Variants in ZNF800 observed in about 807,000 individuals in gnomAD.
ZNF800 encodes zinc finger protein 800.
Under a neutral mutation model 59.5 loss-of-function variants are expected in ZNF800, and 13 were observed. The ratio of observed to expected loss-of-function variants is 0.22; its 90% CI spans 0.14 to 0.35. The LOEUF is 0.35. Among genes scored for constraint, ZNF800 ranks in the 10% least tolerant of loss-of-function variants. The pLI is 1.00. For missense variants in ZNF800, 621 were observed against 783.7 expected, an observed-to-expected ratio of 0.79 and a Z score of 2.48; for synonymous variants, 266 against 265.7, an observed-to-expected ratio of 1.00 and a Z score of -0.01.
chr7:127,358,834 T>C lies in ZNF800; in HGVS notation n.225-10791A>G, dbSNP rs867541748. On this transcript the variant is annotated intron_variant and non_coding_transcript_variant, in intron 1 of 1. Transcript: ENST00000485577. ...TGCCTCGCACGAAGCAGGAGCTTAC[T>C]TGTTTACTGACTGAATGAAATAAGT... Among the ~76,000 whole-genome samples, 3 of 152,262 alleles carry C rather than the reference T, an allele frequency of 2.0e-5. 1 individual carries two copies. In the Middle Eastern group the frequency reaches 0.01, roughly 518 times the overall value.
intron 1 of ZNF800, among the ~76,000 whole-genome samples, chr7:127,355,257 A>G (rs570822169): frequency 6.6e-6 from 1 of 152,204 alleles, no homozygotes; most frequent in Non-Finnish European, 1.5e-5. Flanking sequence ...ACCAGGAAAA[A>G]TAGGACATGA....
In ZNF800 at chr7:127,371,365, A is replaced by C. The variant is rs999327888; in HGVS notation, c.*449T>G. 7 of 153,452 alleles carry C rather than the reference A, an allele frequency of 4.6e-5. No homozygotes were observed. Among genetic ancestry groups the C allele is most frequent in the African/African-American group, 1.7e-4 (7 of 41,502 alleles). 9.5% of individuals were successfully genotyped at this position (153,452 alleles called of 1,614,324 possible). ...TAACATACACTCACTAGAAAATCAT[A>C]TATCTATACAATTCAGATGAAAATG... On this transcript the variant is annotated 3_prime_UTR_variant, in exon 6 of 6. Coordinates refer to ENST00000265827, the MANE Select transcript of ZNF800 (RefSeq NM_176814.5).
chr7:127,344,993 T>C (rs889375500), downstream of ZNF800, among the ~76,000 whole-genome samples: 4 of 152,188 alleles, frequency 2.6e-5, no homozygotes, highest in African/African-American at 9.6e-5. Context: ...AAATGCAATA[T>C]TTCTGTTTAT....
intron 1 of ZNF800, among the ~76,000 whole-genome samples, chr7:127,353,057 G>A (rs1039548009): frequency 2.0e-5 from 3 of 152,080 alleles, no homozygotes; most frequent in African/African-American, 4.8e-5. Flanking sequence ...CAATGGCACC[G>A]ATAAGTACTT....
intron 3 of ZNF800, among the ~76,000 whole-genome samples, chr7:127,380,462 A>G (rs1044974690): frequency 2.0e-5 from 3 of 152,254 alleles, no homozygotes; most frequent in African/African-American, 7.2e-5. Context: ...CAAATGAGAA[A>G]AATAAGGTGT....
chr7:127,380,540 T>TA lies in ZNF800; in HGVS notation c.158-3212dup, dbSNP rs1428799378. 2.0e-5 allele frequency among the ~76,000 whole-genome samples: 3 copies of TA among 152,208 alleles called. No homozygotes were observed. The East Asian group carries it at 5.8e-4, about 29-fold the overall frequency. On this transcript the variant is annotated intron_variant, in intron 3 of 5. Coordinates refer to ENST00000265827, the MANE Select transcript of ZNF800 (RefSeq NM_176814.5). Reference sequence around the variant, plus strand: ...TTTCAGACACCACTTAAGATTTTTTTATTTTTTCCCATGGAGACAGAATGG... The same window carrying TA: ...TTTCAGACACCACTTAAGATTTTTTTAATTTTTTCCCATGGAGACAGAATGG...
At chr7:127,355,781 AG>A (rs1800259777) in intron 1 of ZNF800, among the ~76,000 whole-genome samples, 1 of 152,100 alleles carries the variant, frequency 6.6e-6, no homozygotes, top group African/African-American at 2.4e-5. Context: ...ATTACTACAT[AG>A]GAATGATGAC....
chr7:127,363,009 G>C (rs1800425414), intron 1 of ZNF800: 2 of 152,176 alleles, frequency 1.3e-5, no homozygotes. Context: ...GATAGGCATT[G>C]ATCACAGATT....
chr7:127,364,917 C>A (rs1800473574), intron 1 of ZNF800, among the ~76,000 whole-genome samples: 1 of 151,960 alleles, frequency 6.6e-6, no homozygotes, highest in Non-Finnish European at 1.5e-5. Context: ...TTGAAGCAAG[C>A]AAGGATAAAT....
chr7:127,372,525 G>T, intron 5 of ZNF800: 41 of 671,782 alleles, frequency 6.1e-5, no homozygotes, highest in Non-Finnish European at 7.1e-5. Flanking sequence ...TTCCAAATAT[G>T]AATTTTACTT....
intron 1 of ZNF800, among the ~76,000 whole-genome samples, chr7:127,359,517 A>T (rs1334456865): frequency 6.6e-6 from 1 of 152,172 alleles, no homozygotes; most frequent in Non-Finnish European, 1.5e-5. Context: ...ACTTATTCAA[A>T]AACAAAATTG....
At chr7:127,390,485 T>C (rs1436491178) in intron 2 of ZNF800, among the ~76,000 whole-genome samples, 3 of 152,194 alleles carry the variant, frequency 2.0e-5, no homozygotes, top group Admixed American at 1.3e-4. Context: ...AGCAAAGTTT[T>C]CTTAAAATGG....
chr7:127,367,385 G>T (rs944744368), downstream of ZNF800, among the ~76,000 whole-genome samples: 2 of 151,816 alleles, frequency 1.3e-5, no homozygotes, highest in Admixed American at 6.6e-5. Context: ...GATGACTAGT[G>T]TAAGTTTCTT....
intron 1 of ZNF800, chr7:127,348,047 C>A: frequency 6.6e-6 from 1 of 151,390 alleles, no homozygotes; most frequent in South Asian, 2.0e-4. Flanking sequence ...CGCGAGGCTT[C>A]GGCCCGCACG....
In ZNF800 at chr7:127,370,391, T is replaced by C. The variant is rs947976969; in HGVS notation, c.*1423A>G. The stretch of plus-strand genomic sequence containing the variant: ...TCGATTCTGGTTTATTTCCATCACA[T>C]ATAGTACATTTTTCCAACAAGAGCA... On this transcript the variant is annotated 3_prime_UTR_variant, in exon 6 of 6. Coordinates refer to ENST00000265827, the MANE Select transcript of ZNF800 (RefSeq NM_176814.5). 4.6e-5 allele frequency: 7 copies of C among 152,592 alleles called. No homozygotes were observed. The highest frequency in any genetic ancestry group is 1.0e-4 in the Non-Finnish European group (7 of 67,988). The allele number at this position is 152,592 out of a possible 1,614,324, so 9.5% of individuals were successfully genotyped here.
At chr7:127,348,844 A>C (rs1562894142) in intron 1 of ZNF800, among the ~76,000 whole-genome samples, 1 of 152,220 alleles carries the variant, frequency 6.6e-6, no homozygotes, top group Non-Finnish European at 1.5e-5. Flanking sequence ...TCTCAATTCA[A>C]ATTTATGAAA....
At chr7:127,345,519 G>C (rs17866185), downstream of ZNF800, among the ~76,000 whole-genome samples, 1,941 of 152,240 alleles carry the variant, frequency 0.013, 39 homozygotes, top group African/African-American at 0.043. Context: ...GGGTGGCTGT[G>C]AAAAGCAGCT....
At chr7:127,381,846 T>C (rs1800986376) in intron 3 of ZNF800, among the ~76,000 whole-genome samples, 6 of 152,106 alleles carry the variant, frequency 3.9e-5, no homozygotes, top group Admixed American at 3.9e-4. Flanking sequence ...ACGTCCACCC[T>C]ACGCTTTGCC....
At chr7:127,355,222 A>T (rs1302395779) in intron 1 of ZNF800, among the ~76,000 whole-genome samples, 1 of 152,098 alleles carries the variant, frequency 6.6e-6, no homozygotes, top group Non-Finnish European at 1.5e-5. Context: ...AGAGAAGGCC[A>T]AGAGTAGAGC....
Sources: allele counts gnomAD v4.1 joint callset (sites outside exome capture counted in the v4.1 genomes callset), GRCh38; gene constraint gnomAD v4.1.1; transcripts MANE v1.5; gene names NCBI Gene and HGNC (gene_info 2026-07-23, HGNC 2026-07-21).